ROR1: variants seen among roughly 807,000 people sequenced by gnomAD.
ROR1 encodes the protein ROR family WNT receptor 1.
A neutral mutation model predicts 78.8 loss-of-function variants in ROR1; 19 were observed. That is an observed-to-expected ratio of 0.24 (90% CI 0.17 to 0.35). The LOEUF (loss-of-function observed/expected upper bound fraction) is 0.35, where lower values mean the gene tolerates loss of function less well. Ranked by LOEUF, ROR1 falls within the 10% of genes least tolerant of loss-of-function variation. The pLI is 1.00. For synonymous variants in ROR1, 386 were observed against 433.6 expected (o/e 0.89, Z 1.36); for missense variants, 917 against 1,177.8 (o/e 0.78, Z 3.24).
At chr1:63,967,594 A>T (rs1164793668) in intron 1 of ROR1, among the ~76,000 whole-genome samples, 4 of 152,030 alleles carry the variant, frequency 2.6e-5, no homozygotes, top group African/African-American at 9.7e-5. Flanking sequence ...GTTCACCTCT[A>T]TTTCCAGCAT....
At chr1:64,141,724 G>A (rs1335197749) in intron 6 of ROR1, among the ~76,000 whole-genome samples, 1 of 152,116 alleles carries the variant, frequency 6.6e-6, no homozygotes, top group Admixed American at 6.5e-5. Context: ...TATTTTGTGA[G>A]TTAAGTAAAT....
At chr1:63,802,393 A>G (rs756499936) in intron 1 of ROR1, among the ~76,000 whole-genome samples, 44 of 152,132 alleles carry the variant, frequency 2.9e-4, no homozygotes, top group Non-Finnish European at 4.3e-4. Flanking sequence ...AAAAACTTCT[A>G]TATTTGTTTA....
chr1:64,062,826 T>C (rs564072485), intron 4 of ROR1, among the ~76,000 whole-genome samples: 108 of 152,270 alleles, frequency 7.1e-4, no homozygotes, highest in African/African-American at 2.5e-3. Flanking sequence ...ATCTTGATGA[T>C]GTTAAAGGGT....
chr1:64,143,403 G>A (rs1383031122), intron 7 of ROR1: 24 of 979,920 alleles, frequency 2.4e-5, no homozygotes, highest in Non-Finnish European at 2.5e-5. Context: ...GAAACCTGGA[G>A]TTAGGAACTA....
intron 1 of ROR1, among the ~76,000 whole-genome samples, chr1:63,933,220 C>T (rs902818719): frequency 6.6e-6 from 1 of 152,164 alleles, no homozygotes. Context: ...AGTAGTGGTG[C>T]CTGCTGCATC....
chr1:63,921,860 G>A (rs1486977158), intron 1 of ROR1, among the ~76,000 whole-genome samples: 1 of 152,142 alleles, frequency 6.6e-6, no homozygotes, highest in Non-Finnish European at 1.5e-5. Flanking sequence ...GAGACAGGAT[G>A]CACAAAAGCT....
intron 2 of ROR1, among the ~76,000 whole-genome samples, chr1:64,017,024 C>G (rs1646526628): frequency 6.6e-6 from 1 of 151,820 alleles, no homozygotes; most frequent in Non-Finnish European, 1.5e-5. Context: ...CTCAAGCAAT[C>G]CTCCCACTTC....
intron 1 of ROR1, among the ~76,000 whole-genome samples, chr1:63,980,762 G>A (rs1169229406): frequency 6.6e-6 from 1 of 152,252 alleles, no homozygotes; most frequent in African/African-American, 2.4e-5. Flanking sequence ...ACATGGCTGT[G>A]GAAGGGAAGG....
chr1:64,132,317 G>A (rs767672196), intron 4 of ROR1, among the ~76,000 whole-genome samples: 1 of 152,076 alleles, frequency 6.6e-6, no homozygotes, highest in African/African-American at 2.4e-5. Context: ...ATGAACACCT[G>A]AGTTGTTCCC....
At chr1:64,006,736 A>T (rs533125875) in intron 1 of ROR1, among the ~76,000 whole-genome samples, 1 of 152,272 alleles carries the variant, frequency 6.6e-6, no homozygotes, top group South Asian at 2.1e-4. Context: ...GGGCCACTGT[A>T]GGTGGGGAGG....
intron 1 of ROR1, among the ~76,000 whole-genome samples, chr1:63,890,969 C>T (rs1453587654): frequency 6.6e-6 from 1 of 152,148 alleles, no homozygotes; most frequent in Non-Finnish European, 1.5e-5. Context: ...TTCTCAATGC[C>T]ATGACTAATA....
At chr1:64,113,767 T>C (rs1393068633) in intron 4 of ROR1, 1 of 151,216 alleles carries the variant, frequency 6.6e-6, no homozygotes, top group East Asian at 1.9e-4. Flanking sequence ...TACCAATTTA[T>C]TCTGGAGAGT....
intron 1 of ROR1, among the ~76,000 whole-genome samples, chr1:63,963,616 A>G (rs1646050724): frequency 6.6e-6 from 1 of 151,954 alleles, no homozygotes; most frequent in Admixed American, 6.6e-5. Context: ...AAAGAAAGGA[A>G]GAAAAAAAAG....
chr1:63,842,653 A>G (rs542168654), intron 1 of ROR1, among the ~76,000 whole-genome samples: 7 of 151,188 alleles, frequency 4.6e-5, no homozygotes, highest in Admixed American at 3.9e-4. Context: ...CCCAACAAAT[A>G]TATCTTGCAT....
chr1:64,157,904 C>A (rs1340220440), intron 7 of ROR1, among the ~76,000 whole-genome samples: 1 of 152,102 alleles, frequency 6.6e-6, no homozygotes, highest in African/African-American at 2.4e-5. Context: ...ATGGTTAATT[C>A]TTTTGTAAGG....
chr1:63,971,511 G>C (rs1397755481), intron 1 of ROR1, among the ~76,000 whole-genome samples: 1 of 152,110 alleles, frequency 6.6e-6, no homozygotes, highest in African/African-American at 2.4e-5. Flanking sequence ...TTGAGCTGTA[G>C]ATATCTGGTA....
chr1:64,094,935 C>G (rs1174060306), intron 4 of ROR1: 1 of 152,198 alleles, frequency 6.6e-6, no homozygotes, highest in Non-Finnish European at 1.5e-5. Context: ...ACCAAACAAT[C>G]CTACTGACTA....
At chr1:63,998,810 C>G (rs1008849963) in intron 1 of ROR1, among the ~76,000 whole-genome samples, 1 of 152,178 alleles carries the variant, frequency 6.6e-6, no homozygotes, top group African/African-American at 2.4e-5. Context: ...CAAATCTCAT[C>G]TTGAATTGTA....
chr1:64,015,500 C>T (rs1646513708), intron 2 of ROR1, among the ~76,000 whole-genome samples: 1 of 152,306 alleles, frequency 6.6e-6, no homozygotes, highest in South Asian at 2.1e-4. Context: ...CTTGTCCCCA[C>T]TCTGTTACTT....
Sources: allele counts gnomAD v4.1 joint callset (sites outside exome capture counted in the v4.1 genomes callset), GRCh38; gene constraint gnomAD v4.1.1; transcripts MANE v1.5; gene names NCBI Gene and HGNC (gene_info 2026-07-23, HGNC 2026-07-21).